The following HDAC9 variants were observed in gnomAD, a reference collection of about 807,000 sequenced individuals.
HDAC9 encodes histone deacetylase 9.
Under a neutral mutation model 139.4 loss-of-function variants are expected in HDAC9, and 41 were observed. That is an observed-to-expected ratio of 0.29 (90% CI 0.23 to 0.38). The LOEUF (loss-of-function observed/expected upper bound fraction) is 0.38. HDAC9 is among the 10% of genes least tolerant of loss of function. The pLI is 1.00. For synonymous variants in HDAC9, 517 were observed against 476.2 expected (o/e 1.09, Z -1.12); for missense variants, 1,147 against 1,297.0 (o/e 0.88, Z 1.78).
At chr7:18,433,479 T>TA (rs1318928630) in intron 1 of HDAC9, among the ~76,000 whole-genome samples, 1 of 152,200 alleles carries the variant, frequency 6.6e-6, no homozygotes, top group Non-Finnish European at 1.5e-5. Flanking sequence ...AATATGATTC[T>TA]ATAGTCTCTG....
chr7:18,625,228 C>T (rs1167829627), intron 6 of HDAC9, among the ~76,000 whole-genome samples: 1 of 152,108 alleles, frequency 6.6e-6, no homozygotes, highest in African/African-American at 2.4e-5. Flanking sequence ...TTAATATATA[C>T]AAGCTACATA....
intron 21 of HDAC9, among the ~76,000 whole-genome samples, chr7:18,870,657 A>G (rs927061910): frequency 6.6e-6 from 1 of 152,100 alleles, no homozygotes; most frequent in Non-Finnish European, 1.5e-5. Flanking sequence ...CACTAATCTT[A>G]TTTATTATCA....
At chr7:18,278,163 G>A (rs1406145383) in intron 2 of HDAC9, among the ~76,000 whole-genome samples, 1 of 152,160 alleles carries the variant, frequency 6.6e-6, no homozygotes, top group Non-Finnish European at 1.5e-5. Context: ...CGAGCATTTA[G>A]AAGCCACATA....
chr7:18,508,736 C>A (rs1800552068), intron 2 of HDAC9, among the ~76,000 whole-genome samples: 2 of 152,156 alleles, frequency 1.3e-5, no homozygotes, highest in African/African-American at 4.8e-5. Flanking sequence ...TCTTCGCCAG[C>A]TGAAGTTAGA....
At chr7:18,253,579 T>C (rs2128200563) in intron 2 of HDAC9, among the ~76,000 whole-genome samples, 1 of 152,316 alleles carries the variant, frequency 6.6e-6, no homozygotes, top group East Asian at 1.9e-4. Flanking sequence ...TCATGTCCTT[T>C]GCCCATGTTT....
At chr7:18,186,773 A>C (rs1260868370) in intron 2 of HDAC9, among the ~76,000 whole-genome samples, 1 of 152,268 alleles carries the variant, frequency 6.6e-6, no homozygotes, top group African/African-American at 2.4e-5. Context: ...AGATGATCAA[A>C]TAAGATAATG....
intron 21 of HDAC9, among the ~76,000 whole-genome samples, chr7:18,859,795 T>C (rs1463135866): frequency 2.4e-5 from 3 of 126,784 alleles, no homozygotes; most frequent in Admixed American, 1.7e-4. Flanking sequence ...AGAAGAAATA[T>C]AAAGGCTAAC....
chr7:18,173,888 G>A (rs1265304515), intron 2 of HDAC9, among the ~76,000 whole-genome samples: 10 of 152,162 alleles, frequency 6.6e-5, no homozygotes, highest in East Asian at 1.9e-4. Context: ...TTTTTCCTTC[G>A]TTTCAACCTT....
intron 22 of HDAC9, among the ~76,000 whole-genome samples, chr7:18,879,255 A>G (rs781656147): frequency 2.0e-4 from 31 of 152,196 alleles, no homozygotes; most frequent in African/African-American, 5.8e-4. Flanking sequence ...TACAGATTCA[A>G]TGCTATTTCT....
At chr7:18,368,820 G>A (rs1053431397) in intron 1 of HDAC9, among the ~76,000 whole-genome samples, 1 of 152,092 alleles carries the variant, frequency 6.6e-6, no homozygotes, top group East Asian at 1.9e-4. Context: ...ATGCCTCTCT[G>A]TGGTGCCCCT....
intron 1 of HDAC9, among the ~76,000 whole-genome samples, chr7:18,391,239 T>G (rs1200921215): frequency 1.0e-4 from 15 of 144,608 alleles, no homozygotes; most frequent in Middle Eastern, 4.0e-3. Flanking sequence ...ACAAAAATTA[T>G]CCGGGCATGG....
chr7:18,383,934 A>G lies in HDAC9; in HGVS notation c.-42+93419A>G, dbSNP rs114857000. Reference sequence around the variant, plus strand: ...AGAAAGAACTGATGAAATTACTACAACATTTTAAATTTCTTTGTCTTAAAT... The same window carrying G: ...AGAAAGAACTGATGAAATTACTACAGCATTTTAAATTTCTTTGTCTTAAAT... On this transcript the variant is annotated intron_variant, in intron 1 of 3. Coordinates refer to the HDAC9 transcript ENST00000413509. Among the ~76,000 whole-genome samples, 898 of 151,986 alleles carry G rather than the reference A, an allele frequency of 5.9e-3. 10 individuals are homozygous for G. Among genetic ancestry groups the G allele is most frequent in the African/African-American group, 0.021 (866 of 41,460 alleles).
At chr7:18,712,187 A>G (rs541952708) in intron 12 of HDAC9, among the ~76,000 whole-genome samples, 1 of 152,190 alleles carries the variant, frequency 6.6e-6, no homozygotes, top group Admixed American at 6.5e-5. Context: ...TTCATTCTTT[A>G]ATATACATCA....
intron 2 of HDAC9, among the ~76,000 whole-genome samples, chr7:18,218,489 G>C (rs1016006721): frequency 3.3e-5 from 5 of 152,198 alleles, no homozygotes; most frequent in Admixed American, 2.6e-4. Flanking sequence ...GTGACATACT[G>C]TTCCTTCTAC....
chr7:18,706,794 C>A (rs1372495407), intron 12 of HDAC9, among the ~76,000 whole-genome samples: 2 of 152,134 alleles, frequency 1.3e-5, no homozygotes, highest in Non-Finnish European at 2.9e-5. Context: ...GTCAAGAGTG[C>A]TGAGTTTCAG....
At chr7:18,708,945 C>A (rs1407559730) in intron 12 of HDAC9, among the ~76,000 whole-genome samples, 1 of 152,014 alleles carries the variant, frequency 6.6e-6, no homozygotes, top group Non-Finnish European at 1.5e-5. Flanking sequence ...CACACACACA[C>A]AATTCATACA....
chr7:18,613,363 T>C (rs1214776522), intron 6 of HDAC9, among the ~76,000 whole-genome samples: 2 of 152,012 alleles, frequency 1.3e-5, no homozygotes, highest in Non-Finnish European at 2.9e-5. Flanking sequence ...AAATTTTTAC[T>C]CACACTTAAC....
chr7:18,733,144 TAC>T (rs1177220308), intron 13 of HDAC9, among the ~76,000 whole-genome samples: 1 of 147,506 alleles, frequency 6.8e-6, no homozygotes, highest in Non-Finnish European at 1.5e-5. Context: ...TACACATGTA[TAC>T]ACATATATAC....
intron 13 of HDAC9, among the ~76,000 whole-genome samples, chr7:18,732,848 TGTGTATGTGTGCGTATGTGTAC>T (rs1786342176): frequency 7.0e-5 from 4 of 57,252 alleles, no homozygotes; most frequent in Non-Finnish European, 1.0e-4. Flanking sequence ...TACACACACG[TGTGTATGTGTGCGTATGTGTAC>T]ACACACACGT....
Sources: allele counts gnomAD v4.1 joint callset (sites outside exome capture counted in the v4.1 genomes callset), GRCh38; gene constraint gnomAD v4.1.1; transcripts MANE v1.5; gene names NCBI Gene and HGNC (gene_info 2026-07-23, HGNC 2026-07-21).